The following RBFOX3 variants were observed in gnomAD, a reference collection of about 807,000 sequenced individuals.
RBFOX3 encodes RNA binding protein fox-1 homolog 3.
Under a neutral mutation model 48.7 loss-of-function variants are expected in RBFOX3, and 17 were observed. The ratio of observed to expected loss-of-function variants is 0.35; its 90% CI spans 0.24 to 0.52. RBFOX3 has a LOEUF of 0.52. Ranked by LOEUF, RBFOX3 falls within the 20% of genes least tolerant of loss-of-function variation. The pLI is 0.94. For missense variants in RBFOX3, 382 were observed against 497.5 expected, an observed-to-expected ratio of 0.77 and a Z score of 2.21; for synonymous variants, 212 against 209.5, an observed-to-expected ratio of 1.01 and a Z score of -0.10.
intron 4 of RBFOX3, among the ~76,000 whole-genome samples, chr17:79,164,186 G>A (rs1376628137): frequency 6.6e-6 from 1 of 152,194 alleles, no homozygotes. Flanking sequence ...GGAGGGGTGG[G>A]CATGGCTGCA....
rs2075496556 is a variant in RBFOX3 at position 79,462,443 on chromosome 17, G to A, written c.-175+20011C>T. ...TAGGAAGGCATAGACGGTGTCTTACGCACAGTTAGCCCTCAACGTTAGATG... is the reference window on the plus strand; with the variant it reads ...TAGGAAGGCATAGACGGTGTCTTACACACAGTTAGCCCTCAACGTTAGATG... On this transcript the variant is annotated intron_variant, in intron 2 of 14. Transcript: ENST00000693108. 3.3e-5 allele frequency among the ~76,000 whole-genome samples: 5 copies of A among 152,316 alleles called. No individual in the cohort carries two copies. The Middle Eastern group carries it at 0.01, about 311-fold the overall frequency.
intron 1 of RBFOX3, among the ~76,000 whole-genome samples, chr17:79,547,739 G>A (rs1254286665): frequency 6.6e-6 from 1 of 152,220 alleles, no homozygotes; most frequent in Non-Finnish European, 1.5e-5. Context: ...GAGCAGGCTG[G>A]GGGAGGACGC....
At chr17:79,435,122 G>C (rs1019886924) in intron 2 of RBFOX3, among the ~76,000 whole-genome samples, 7 of 152,158 alleles carry the variant, frequency 4.6e-5, no homozygotes, top group Non-Finnish European at 7.3e-5. Context: ...GGCTCTGCTG[G>C]GTGCGTCCTG....
rs577655541 is a variant in RBFOX3, at chr17:79,111,728, C to T, written c.222+3766G>A. 7.9e-5 allele frequency among the ~76,000 whole-genome samples: 12 copies of T among 152,362 alleles called. No individual in the cohort carries two copies. Among genetic ancestry groups the T allele is most frequent in the South Asian group, 2.1e-4 (1 of 4,834 alleles). On this transcript the variant is annotated intron_variant, in intron 5 of 14. Transcript: ENST00000693108. The surrounding 1 kb of genome is among the most constrained non-coding windows in gnomAD (Gnocchi z 4.2). ...GGTGACAGGCGTGAGCCAACATGCC[C>T]GGCCCGTTAGCAAGCTGAGGGTCCC...
intron 11 of RBFOX3, 40 bp from the exon 12 acceptor site, chr17:79,096,873 A>G (rs1037357798): frequency 1.6e-6 from 1 of 636,056 alleles, no homozygotes; most frequent in Non-Finnish European, 2.8e-6. Context: ...CTTGCTGATC[A>G]GCAACTTTCT....
At chr17:79,578,263 G>A (rs2092928574) in intron 1 of RBFOX3, among the ~76,000 whole-genome samples, 2 of 152,262 alleles carry the variant, frequency 1.3e-5, no homozygotes, top group South Asian at 2.1e-4. Context: ...CCGCTCTGGG[G>A]AGCATCAGGG....
At chr17:79,455,888 G>A (rs1465414511) in intron 2 of RBFOX3, among the ~76,000 whole-genome samples, 7 of 152,176 alleles carry the variant, frequency 4.6e-5, no homozygotes, top group Admixed American at 1.3e-4. Context: ...CCAGTGCTAC[G>A]TGGCGTCTGC....
chr17:79,198,718 C>T lies in RBFOX3; in HGVS notation c.-34+37048G>A, dbSNP rs142702109. On this transcript the variant is annotated intron_variant, in intron 4 of 14. Transcript: ENST00000693108. This position sits in a 1 kb window ranked among gnomAD's most constrained non-coding sequence, Gnocchi z 8.2. Reference sequence around the variant, plus strand: ...TAGGCTCGTTGCAACCTCCACCTTCCGGGTTCAAGCGATTCTCCTGCCTCA... The same window carrying T: ...TAGGCTCGTTGCAACCTCCACCTTCTGGGTTCAAGCGATTCTCCTGCCTCA... Among the ~76,000 whole-genome samples, 25 of 152,134 alleles carry T rather than the reference C, an allele frequency of 1.6e-4. No homozygotes were observed. Among genetic ancestry groups the T allele is most frequent in the East Asian group, 3.9e-4 (2 of 5,178 alleles).
At chr17:79,537,499 A>G (rs2089008090) in intron 1 of RBFOX3, among the ~76,000 whole-genome samples, 1 of 152,214 alleles carries the variant, frequency 6.6e-6, no homozygotes, top group African/African-American at 2.4e-5. Context: ...AGCCTGCAAC[A>G]GTGGGTGTCC....
At chr17:79,124,009 C>G (rs892383120) in intron 4 of RBFOX3, among the ~76,000 whole-genome samples, 1 of 152,226 alleles carries the variant, frequency 6.6e-6, no homozygotes, top group Non-Finnish European at 1.5e-5. Context: ...CCCTCCCACA[C>G]ACTCTACTGC....
chr17:79,579,649 G>A (rs1392421926), intron 1 of RBFOX3, among the ~76,000 whole-genome samples: 2 of 152,000 alleles, frequency 1.3e-5, no homozygotes, highest in Non-Finnish European at 2.9e-5. Flanking sequence ...GGAGCAGAAT[G>A]TGGTCAGGTG....
At chr17:79,460,056 A>T (rs782800374) in intron 2 of RBFOX3, among the ~76,000 whole-genome samples, 2 of 152,172 alleles carry the variant, frequency 1.3e-5, no homozygotes, top group African/African-American at 2.4e-5. Flanking sequence ...AGAACAGGCA[A>T]ATCCACAGGA....
At chr17:79,316,993 CGCACACACACAGATGTGCACGGACACGT>C in intron 2 of RBFOX3, among the ~76,000 whole-genome samples, 1 of 152,300 alleles carries the variant, frequency 6.6e-6, no homozygotes, top group East Asian at 1.9e-4. Context: ...TGCATGTGCA[CGCACACACACAGATGTGCACGGACACGT>C]GCACATACAC....
At chr17:79,489,853 A>G (rs1169460605) in intron 1 of RBFOX3, among the ~76,000 whole-genome samples, 5 of 151,984 alleles carry the variant, frequency 3.3e-5, no homozygotes, top group Admixed American at 3.3e-4. Flanking sequence ...TCCATTTTCC[A>G]TCACCCCAAT....
At chr17:79,637,644 G>A in the RBFOX3 span, among the ~76,000 whole-genome samples, 4,391 of 149,316 alleles carry the variant, frequency 0.029, 77 homozygotes, top group Non-Finnish European at 0.045. Context: ...GCAGTGAGCC[G>A]AGATCACACC....
At chr17:79,484,835 C>T (rs1349955775) in intron 1 of RBFOX3, among the ~76,000 whole-genome samples, 1 of 152,182 alleles carries the variant, frequency 6.6e-6, no homozygotes. Context: ...CTCCTCTGAG[C>T]CTGCTGTCCA....
chr17:79,170,913 C>T (rs981655976), intron 4 of RBFOX3, among the ~76,000 whole-genome samples: 1 of 152,206 alleles, frequency 6.6e-6, no homozygotes, highest in Non-Finnish European at 1.5e-5. Context: ...TGTCTTTCCA[C>T]GTAAACTGCT....
chr17:79,297,465 C>T (rs1391792026), intron 3 of RBFOX3, among the ~76,000 whole-genome samples: 2 of 107,056 alleles, frequency 1.9e-5, no homozygotes, highest in Non-Finnish European at 4.0e-5. Context: ...CTTCCTCGGG[C>T]CATCCCCCGG....
chr17:79,456,072 C>T (rs28468584), intron 2 of RBFOX3, among the ~76,000 whole-genome samples: 7,345 of 152,100 alleles, frequency 0.048, 584 homozygotes, highest in African/African-American at 0.17. Context: ...ACTGACCAGG[C>T]CCCACCCCAA....
Sources: allele counts gnomAD v4.1 joint callset (sites outside exome capture counted in the v4.1 genomes callset), GRCh38; gene constraint gnomAD v4.1.1; non-coding constraint Gnocchi (gnomAD v3.1); transcripts MANE v1.5; gene names NCBI Gene and HGNC (gene_info 2026-07-23, HGNC 2026-07-21).